The following CEP152 variants were observed in gnomAD, a reference collection of about 807,000 sequenced individuals.
The protein encoded by CEP152 is centrosomal protein of 152 kDa.
CEP152 carries 132 observed loss-of-function variants against 188.9 expected under a neutral mutation model. The ratio of observed to expected loss-of-function variants is 0.70; its 90% confidence interval spans 0.61 to 0.81. CEP152 has a LOEUF of 0.81. Among genes scored for constraint, CEP152 ranks in the 30% least tolerant of loss-of-function variants. The pLI is 0.00. For missense variants in CEP152, 1,914 were observed against 1,969.8 expected, an observed-to-expected ratio of 0.97 and a Z score of 0.54; for synonymous variants, 649 against 666.6, an observed-to-expected ratio of 0.97 and a Z score of 0.41.
chr15:48,745,023 A>C, intron 22 of CEP152, 31 bp from the exon 23 acceptor site: 2 of 1,501,652 alleles, frequency 1.3e-6, no homozygotes, highest in Non-Finnish European at 1.8e-6. Context: ...TATATTAGAC[A>C]GTTAAAAATT....
chr15:48,796,454 C>T (rs1437634871), intron 5 of CEP152, among the ~76,000 whole-genome samples: 1 of 152,086 alleles, frequency 6.6e-6, no homozygotes, highest in South Asian at 2.1e-4. Context: ...ATAAATAAAA[C>T]CCAAGAATTC....
Position 48,796,280 on chromosome 15 carries a change from T to TTA in CEP152, c.541-122_541-121dup, listed in dbSNP as rs572514146. ...TACTTTTGGTACAGTTCAAAGTTGT[T>TTA]TATATATATACACACACACACACAC... On this transcript the variant is annotated intron_variant, in intron 5 of 26. Transcript: ENST00000380950. The TTA allele has an allele frequency of 1.3e-3, 1,135 of 842,880 alleles. 7 individuals carry two copies. Among genetic ancestry groups the TTA allele is most frequent in the African/African-American group, 0.013 (693 of 53,124 alleles). 52.2% of individuals were successfully genotyped at this position (842,880 alleles called of 1,614,324 possible). A position where few individuals can be genotyped will look rare whatever the true frequency, so the allele number is the denominator to read the frequency against.
At chr15:48,751,601 T>C (rs557091499) in intron 21 of CEP152, among the ~76,000 whole-genome samples, 2 of 152,324 alleles carry the variant, frequency 1.3e-5, no homozygotes, top group African/African-American at 4.8e-5. Flanking sequence ...TTATTAGTTC[T>C]TTTCCAGGTT....
intron 23 of CEP152, 76 bp downstream of exon 23, chr15:48,744,820 T>C (rs975957755): frequency 2.3e-5 from 32 of 1,362,512 alleles, no homozygotes; most frequent in African/African-American, 7.5e-5. Flanking sequence ...ACAAAAAAAA[T>C]TGATACTTAA....
intron 2 of CEP152, among the ~76,000 whole-genome samples, chr15:48,731,318 T>C (rs908996405): frequency 1.3e-5 from 2 of 152,054 alleles, no homozygotes; most frequent in South Asian, 2.1e-4. Context: ...CAGAAAAATA[T>C]ATGGAAAAGA....
At chr15:48,759,615 ATTATT>A (rs1299009727) in intron 19 of CEP152, among the ~76,000 whole-genome samples, 1 of 152,212 alleles carries the variant, frequency 6.6e-6, no homozygotes, top group Non-Finnish European at 1.5e-5. Context: ...ATTTTATAGA[ATTATT>A]TTGTCAACTT....
At chr15:48,752,702 G>C (rs1472542223) in intron 20 of CEP152, among the ~76,000 whole-genome samples, 1 of 152,090 alleles carries the variant, frequency 6.6e-6, no homozygotes, top group Admixed American at 6.5e-5. Flanking sequence ...GCGACTGGTG[G>C]GCAGCTATGA....
intron 26 of CEP152, among the ~76,000 whole-genome samples, chr15:48,739,815 G>C (rs992062879): frequency 6.6e-6 from 1 of 152,194 alleles, no homozygotes; most frequent in African/African-American, 2.4e-5. Flanking sequence ...TCTCAGAGTA[G>C]CAAGCCCTAG....
At chr15:48,787,313 G>A (rs990099661) in intron 9 of CEP152, among the ~76,000 whole-genome samples, 47 of 151,562 alleles carry the variant, frequency 3.1e-4, no homozygotes, top group Admixed American at 2.2e-3. Flanking sequence ...GACTACAGGC[G>A]CATGCCACCA....
At chr15:48,787,164 T>TTTTTTG (rs1896703549) in intron 9 of CEP152, among the ~76,000 whole-genome samples, 2 of 19,612 alleles carry the variant, frequency 1.0e-4, no homozygotes, top group African/African-American at 1.5e-4. Flanking sequence ...ATAGCCTTCG[T>TTTTTTG]TTTTTTTTTT....
intron 20 of CEP152, among the ~76,000 whole-genome samples, chr15:48,755,329 T>C (rs1426988115): frequency 6.6e-6 from 1 of 152,206 alleles, no homozygotes; most frequent in Non-Finnish European, 1.5e-5. Context: ...GGCATTTTTT[T>C]GCCTAAATGA....
Position 48,805,639 on chromosome 15 carries a change from T to A in CEP152, c.11A>T (p.Asp4Val), listed in dbSNP as rs1897940036. The change falls in exon 2 of 27, where the codon GAC becomes GTC. Residue 4 changes from aspartate (D) to valine (V), a missense_variant. Physicochemically the swap from Asp to Val is radical, Grantham distance 152. Transcript: ENST00000380950. ...CACTGGTAGTGCCACACTGCCAAAGTCTAATGACATGGTCCTCCTGTGGGA... is the reference window on the plus strand; with the variant it reads ...CACTGGTAGTGCCACACTGCCAAAGACTAATGACATGGTCCTCCTGTGGGA... MSLDFGSVALPVQN... is the reference protein window; with the variant it reads MSLVFGSVALPVQN... 10 of 1,611,964 alleles carry A rather than the reference T, an allele frequency of 6.2e-6. No homozygotes were observed. The highest frequency in any genetic ancestry group is 5.3e-5 in the African/African-American group (4 of 74,870).
chr15:48,805,853 G>T (rs1897954294), intron 1 of CEP152, among the ~76,000 whole-genome samples, 197 bp from the exon 2 acceptor site: 1 of 152,136 alleles, frequency 6.6e-6, no homozygotes. Context: ...TCATGGAAAA[G>T]AAAACATGCA....
At chr15:48,762,251 C>A in intron 18 of CEP152, 140 bp downstream of exon 18, 1 of 815,038 alleles carries the variant, frequency 1.2e-6, no homozygotes, top group South Asian at 1.7e-5. Flanking sequence ...AATTTAGGAA[C>A]ATGACAGGTT....
In CEP152 at chr15:48,738,721, C is replaced by T; in HGVS notation, c.4661G>A (p.Gly1554Asp). ...SENAASEKSQ[G>D]LDVQEPPVKD... ...TACTGGAGGTTCCTGAACATCCAAA[C>T]CTTGACTTTTCTCAGATGCAGCATT... is the stretch of plus-strand genomic sequence containing the variant. The change falls in exon 27 of 27, where the codon GGT becomes GAT. Residue 1554 changes from glycine (G) to aspartate (D), a missense_variant. Gly to Asp is a moderately conservative substitution (Grantham distance 94, BLOSUM62 -1). Coordinates refer to ENST00000380950, the MANE Select transcript of CEP152 (RefSeq NM_001194998.2). The T allele has an allele frequency of 6.2e-7, 1 of 1,614,190 alleles. No homozygotes were observed. The highest frequency in any genetic ancestry group is 8.5e-7 in the Non-Finnish European group (1 of 1,180,028).
intron 21 of CEP152, among the ~76,000 whole-genome samples, chr15:48,751,258 T>C (rs963901868): frequency 6.6e-6 from 1 of 152,244 alleles, no homozygotes; most frequent in Non-Finnish European, 1.5e-5. Flanking sequence ...TGCTTTTATA[T>C]TTATAGGACT....
intron 10 of CEP152, 72 bp downstream of exon 10, chr15:48,783,901 T>C: frequency 6.6e-7 from 1 of 1,522,296 alleles, no homozygotes; most frequent in Non-Finnish European, 9.1e-7. Context: ...TTACAAGTCA[T>C]GGATCCTACT....
At chr15:48,759,749 G>A (rs1291641691) in intron 19 of CEP152, among the ~76,000 whole-genome samples, 1 of 152,118 alleles carries the variant, frequency 6.6e-6, no homozygotes, top group Non-Finnish European at 1.5e-5. Context: ...GACATTTCTG[G>A]AAAGGAGAAC....
chr15:48,745,985 G>A (rs1361132415), intron 22 of CEP152, among the ~76,000 whole-genome samples: 10 of 152,060 alleles, frequency 6.6e-5, no homozygotes, highest in Admixed American at 3.9e-4. Context: ...TCAACACTCC[G>A]TAAGTTGAGG....
Sources: gnomAD v4.1 joint callset for allele counts (sites outside exome capture counted in the v4.1 genomes callset) on GRCh38, gnomAD v4.1.1 for gene constraint, MANE v1.5 for transcripts, NCBI Gene and HGNC (gene_info 2026-07-23, HGNC 2026-07-21) for gene names.